Variants in PRRC2A observed in about 807,000 individuals in gnomAD.
PRRC2A encodes protein PRRC2A.
In PRRC2A, 59 loss-of-function variants were observed where a neutral mutation model predicts 224.6. That is an observed-to-expected ratio of 0.26 (90% CI 0.21 to 0.33). The LOEUF (loss-of-function observed/expected upper bound fraction) is 0.33, where lower values mean the gene tolerates loss of function less well. PRRC2A is among the 10% of genes least tolerant of loss of function. The pLI is 1.00. For missense variants in PRRC2A, 3,095 were observed against 2,880.7 expected (o/e 1.07, Z -1.70); for synonymous variants, 1,194 against 1,109.5 (o/e 1.08, Z -1.51).
rs1183258381 is a variant in PRRC2A at position 31,635,142 on chromosome 6, G to A, written c.5171G>A (p.Arg1724Gln). 7 of 1,613,976 alleles carry A rather than the reference G, an allele frequency of 4.3e-6. No homozygotes were observed. Among genetic ancestry groups the A allele is most frequent in the African/African-American group, 1.3e-5 (1 of 75,006 alleles). Residue 1724 changes from arginine to glutamine, a missense_variant, in exon 22 of 31, where the codon CGG becomes CAG. By Grantham distance (43) the Arg-to-Gln change is conservative. This residue lies in a region of PRRC2A where 662 missense variants were observed against 609.5 expected (regional missense o/e 1.09). Coordinates refer to ENST00000376033, the MANE Select transcript of PRRC2A (RefSeq NM_004638.4). ...PHDGDRKELP[R>Q]EQPLPPGPIG... ...GTGTGCCCAATCCAGGAGCTGCCCC[G>A]GGAGCAGCCTCTGCCCCCTGGCCCC...
intron 2 of PRRC2A, chr6:31,623,341 T>C (rs1280540107): frequency 2.4e-6 from 1 of 408,700 alleles, no homozygotes; most frequent in Non-Finnish European, 4.6e-6. Context: ...GATCTTGACT[T>C]ACCACAACCT....
chr6:31,626,003 T>C lies in PRRC2A; in HGVS notation c.840-17T>C, dbSNP rs200630465. Reference sequence around the variant, plus strand: ...GTTATACAACATGCCATATTTCATTTTCTTTTTTGTGTACAGCCGTTTTCC... The same window carrying C: ...GTTATACAACATGCCATATTTCATTCTCTTTTTTGTGTACAGCCGTTTTCC... On this transcript the variant is annotated splice_polypyrimidine_tract_variant and intron_variant, in intron 8 of 30. Transcript: ENST00000376033. 823 of 1,610,270 alleles carry C rather than the reference T, an allele frequency of 5.1e-4. 2 individuals are homozygous for C. Among genetic ancestry groups the C allele is most frequent in the Admixed American group, 2.0e-3 (117 of 59,376 alleles).
In PRRC2A at chr6:31,635,438, G is replaced by A; in HGVS notation, c.5346G>A (p.Glu1782=). The A allele has an allele frequency of 6.2e-7, 1 of 1,614,248 alleles. No homozygotes were observed. Among genetic ancestry groups the A allele is most frequent in the Non-Finnish European group, 8.5e-7 (1 of 1,180,038 alleles). The part of the protein sequence containing the change: ...RLVVGDSLKA[E]KELTASVTEA... ...TGGTAGGAGACAGCTTGAAAGCAGA[G>A]AAGGAGCTAACAGCATCAGTCACTG... The change falls in exon 23 of 31, where the codon GAG becomes GAA. Residue 1782 remains glutamate, a synonymous_variant. Transcript: ENST00000376033.
In PRRC2A at chr6:31,631,429, A is replaced by G; in HGVS notation, c.2756A>G (p.Glu919Gly). 6.2e-7 allele frequency: 1 copy of G among 1,610,010 alleles called. No homozygotes were observed. The highest frequency in any genetic ancestry group is 1.1e-5 in the South Asian group (1 of 90,738). ...GGQGPPPPRRESRTETRWGPR... is the reference protein window; with the variant it reads ...GGQGPPPPRRGSRTETRWGPR... ...CAGGGCCCCCCACCACCACGCAGAG[A>G]GAGTCGCACAGAGACCCGCTGGGGC... Residue 919 changes from glutamate (E) to glycine (G), a missense_variant, in exon 16 of 31, where the codon GAG (glutamate) becomes GGG (glycine). Glu to Gly is a moderately conservative substitution (Grantham distance 98, BLOSUM62 -2). Transcript: ENST00000376033. This position sits in a 1 kb window ranked among gnomAD's most constrained non-coding sequence, Gnocchi z 4.5.
Position 31,635,695 on chromosome 6 carries a change from C to T in PRRC2A, c.5487C>T (p.Gly1829=). 1.2e-6 allele frequency: 2 copies of T among 1,612,354 alleles called. No homozygotes were observed. Among genetic ancestry groups the T allele is most frequent in the Non-Finnish European group, 1.7e-6 (2 of 1,179,638 alleles). ...GTGTCCCGGAGCCCAGCTCCTCAGG[C>T]CAGCGCCTGTATCCTGAGGTTTTCT... ...GHCVPEPSSS[G]QRLYPEVFYG... is the part of the protein sequence containing the mutation. Residue 1829 remains glycine, a synonymous_variant, in exon 24 of 31, where the codon GGC becomes GGT. Coordinates refer to ENST00000376033, the MANE Select transcript of PRRC2A (RefSeq NM_004638.4).
rs376683082 is a variant in PRRC2A, at chr6:31,637,288, A to G, written c.6297A>G (p.Gly2099=). 3.1e-6 allele frequency: 5 copies of G among 1,612,572 alleles called. No homozygotes were observed. The highest frequency in any genetic ancestry group is 1.1e-5 in the South Asian group (1 of 91,068). ...AGGCCACGCCTTCCACCTACAGTGGAGTCTTCCGCACCCAGCGCGTCGACC... is the reference window on the plus strand; with the variant it reads ...AGGCCACGCCTTCCACCTACAGTGGGGTCTTCCGCACCCAGCGCGTCGACC... ...RLKATPSTYS[G]VFRTQRVDLY... is the part of the protein sequence containing the mutation. The change falls in exon 30 of 31, where the codon GGA becomes GGG. Residue 2099 remains glycine (G), a synonymous_variant. Coordinates refer to ENST00000376033, the MANE Select transcript of PRRC2A (RefSeq NM_004638.4).
Position 31,634,963 on chromosome 6 carries a change from G to A in PRRC2A, c.5146G>A (p.Asp1716Asn), listed in dbSNP as rs754144343. 5 of 1,612,594 alleles carry A rather than the reference G, an allele frequency of 3.1e-6. No individual in the cohort carries two copies. The South Asian group carries it at 3.3e-5, about 11-fold the overall frequency. ...PPRRPPPAPH[D>N]GDRKELPREQ... is the part of the protein sequence containing the mutation. Reference sequence around the variant, plus strand: ...TAGGAGACCACCACCTGCCCCCCACGATGGGGACAGAAAGGTAAAAGACCA... The same window carrying A: ...TAGGAGACCACCACCTGCCCCCCACAATGGGGACAGAAAGGTAAAAGACCA... The change falls in exon 21 of 31, where the codon GAT becomes AAT. Residue 1716 changes from aspartate to asparagine, a missense_variant. Asp to Asn is a conservative substitution (Grantham distance 23, BLOSUM62 1). Around this residue, in one of 8 missense-constraint regions of PRRC2A, gnomAD observed 662 missense variants for 609.5 expected, o/e 1.09. Transcript: ENST00000376033.
intron 19 of PRRC2A, 28 bp from the exon 20 acceptor site, chr6:31,634,444 C>T (rs1777071335): frequency 1.9e-6 from 3 of 1,612,556 alleles, no homozygotes; most frequent in Admixed American, 1.7e-5. Context: ...CTCCTCACTT[C>T]TCTTCTGGTT....
At chr6:31,634,623 T>A in intron 20 of PRRC2A, 66 bp downstream of exon 20, 1 of 1,589,416 alleles carries the variant, frequency 6.3e-7, no homozygotes, top group Non-Finnish European at 8.6e-7. Flanking sequence ...ACCCCCCACC[T>A]GCTCTGGGTT....
Position 31,632,713 on chromosome 6 carries a change from C to G in PRRC2A, c.4040C>G (p.Thr1347Arg). The stretch of plus-strand genomic sequence containing the variant: ...GAGGCACCCCCACCAGTACTGCTGA[C>G]ACCCAAGGCTGTGGGAACTCCTGGG... ...DKEAPPPVLL[T>R]PKAVGTPGGG... Residue 1347 changes from threonine (T) to arginine (R), a missense_variant, in exon 16 of 31, where the codon ACA (threonine) becomes AGA (arginine). Physicochemically the swap from Thr to Arg is moderately conservative, Grantham distance 71. This residue lies in a region of PRRC2A where 2,001 missense variants were observed against 1,764.9 expected (regional missense o/e 1.13). Transcript: ENST00000376033. 1.9e-6 allele frequency: 3 copies of G among 1,613,168 alleles called. No individual in the cohort carries two copies. Among genetic ancestry groups the G allele is most frequent in the Non-Finnish European group, 2.5e-6 (3 of 1,180,050 alleles).
chr6:31,629,869 GAA>G (rs751398678), intron 14 of PRRC2A, 24 bp downstream of exon 14: 1 of 1,611,336 alleles, frequency 6.2e-7, no homozygotes, highest in South Asian at 1.1e-5. Context: ...GGAGGAGTGA[GAA>G]ACAGGAAAGT....
Position 31,627,688 on chromosome 6 carries a change from T to G in PRRC2A, c.1291-77T>G. 2 of 1,528,712 alleles carry G rather than the reference T, an allele frequency of 1.3e-6. No individual in the cohort carries two copies. The highest frequency in any genetic ancestry group is 1.8e-6 in the Non-Finnish European group (2 of 1,133,032). 94.7% of individuals were successfully genotyped at this position (1,528,712 alleles called of 1,614,324 possible). A position where few individuals can be genotyped will look rare whatever the true frequency, so the allele number is the denominator to read the frequency against. On this transcript the variant is annotated intron_variant, in intron 11 of 30. Coordinates refer to ENST00000376033, the MANE Select transcript of PRRC2A (RefSeq NM_004638.4). This position sits in a 1 kb window ranked among gnomAD's most constrained non-coding sequence, Gnocchi z 5.6. ...CGTTGCATCCTGCAAGTAGCGACAG[T>G]TGATTTGTTGTAAAAGAGATGATAG...
Position 31,622,821 on chromosome 6 carries a change from G to A in PRRC2A, c.32G>A (p.Gly11Glu). 6.2e-7 allele frequency: 1 copy of A among 1,614,076 alleles called. No homozygotes were observed. The highest frequency in any genetic ancestry group is 8.5e-7 in the Non-Finnish European group (1 of 1,180,012). Residue 11 changes from glycine to glutamate, a missense_variant, in exon 2 of 31, where the codon GGA becomes GAA. Coordinates refer to ENST00000376033, the MANE Select transcript of PRRC2A (RefSeq NM_004638.4). ...GATCGCTCGGGGCCGACTGCCAAGGGAAAGGATGGAAAGAAGTATTCCTCG... is the reference window on the plus strand; with the variant it reads ...GATCGCTCGGGGCCGACTGCCAAGGAAAAGGATGGAAAGAAGTATTCCTCG... The part of the protein sequence containing the change: MSDRSGPTAK[G>E]KDGKKYSSLN...
At position 31,625,391 on chromosome 6, in the gene PRRC2A, C is replaced by T. The variant is rs748281450; in HGVS notation, c.608-69C>T. The T allele has an allele frequency of 6.2e-7, 1 of 1,612,232 alleles. No individual in the cohort carries two copies. The highest frequency in any genetic ancestry group is 8.5e-7 in the Non-Finnish European group (1 of 1,178,358). On this transcript the variant is annotated intron_variant, in intron 6 of 30. Transcript: ENST00000376033. This position sits in a 1 kb window ranked among gnomAD's most constrained non-coding sequence, Gnocchi z 4.1. ...GTGCTGGCTTATTCACCTTCCTCCC[C>T]ATCACTTTCAGCTGTGTTCACTTGT...
At chr6:31,629,113 A>G (rs1443345777) in intron 12 of PRRC2A, 31 bp from the exon 13 acceptor site, 15 of 1,609,434 alleles carry the variant, frequency 9.3e-6, no homozygotes, top group Non-Finnish European at 1.0e-5. Flanking sequence ...TTGTTGGACT[A>G]GATCACTCTG....
rs1428473970 is a variant in PRRC2A, at chr6:31,629,248, G to T, written c.1870G>T (p.Gly624Cys). 1.2e-6 allele frequency: 2 copies of T among 1,612,824 alleles called. No individual in the cohort carries two copies. The highest frequency in any genetic ancestry group is 3.3e-5 in the Admixed American group (2 of 59,762). Residue 624 changes from glycine (G) to cysteine (C), a missense_variant, in exon 13 of 31, where the codon GGT becomes TGT. Coordinates refer to ENST00000376033, the MANE Select transcript of PRRC2A (RefSeq NM_004638.4). ...PKVEPKGDGIGPTRQPPSQGL... is the reference protein window; with the variant it reads ...PKVEPKGDGICPTRQPPSQGL... Reference sequence around the variant, plus strand: ...GGTGGAACCCAAGGGTGATGGGATTGGTCCCACCCGCCAGCCCCCTAGTCA... The same window carrying T: ...GGTGGAACCCAAGGGTGATGGGATTTGTCCCACCCGCCAGCCCCCTAGTCA...
chr6:31,629,150 C>G lies in PRRC2A; in HGVS notation c.1772C>G (p.Pro591Arg). 6.2e-7 allele frequency: 1 copy of G among 1,613,964 alleles called. No homozygotes were observed. Among genetic ancestry groups the G allele is most frequent in the Non-Finnish European group, 8.5e-7 (1 of 1,179,982 alleles). Reference sequence around the variant, plus strand: ...TGTGTTTTTTCCGATGCAGTGGAACCACAACTGCCCTCAAAAGAGGGTCCT... The same window carrying G: ...TGTGTTTTTTCCGATGCAGTGGAACGACAACTGCCCTCAAAAGAGGGTCCT... ...SGSFEASPVE[P>R]QLPSKEGPEP... The change falls in exon 13 of 31, where the codon CCA (proline) becomes CGA (arginine). Residue 591 changes from proline to arginine, a missense_variant. Pro to Arg is a moderately radical substitution (Grantham distance 103, BLOSUM62 -2). This residue lies in a region of PRRC2A where 2,001 missense variants were observed against 1,764.9 expected (regional missense o/e 1.13). Coordinates refer to ENST00000376033, the MANE Select transcript of PRRC2A (RefSeq NM_004638.4).
At chr6:31,623,034 C>G in intron 2 of PRRC2A, 133 bp downstream of exon 2, 1 of 840,812 alleles carries the variant, frequency 1.2e-6, no homozygotes, top group Non-Finnish European at 2.1e-6. Flanking sequence ...CAACTTTACA[C>G]TGGGTCCTTT....
Position 31,631,527 on chromosome 6 carries a change from A to G in PRRC2A, c.2854A>G (p.Ile952Val), listed in dbSNP as rs967940220. 6.9e-6 allele frequency: 11 copies of G among 1,596,628 alleles called. No individual in the cohort carries two copies. The highest frequency in any genetic ancestry group is 1.8e-5 in the Admixed American group (1 of 54,810). The change falls in exon 16 of 31, where the codon ATA becomes GTA. Residue 952 changes from isoleucine (I) to valine (V), a missense_variant. By Grantham distance (29) the Ile-to-Val change is conservative. Around this residue, in one of 8 missense-constraint regions of PRRC2A, gnomAD observed 2,001 missense variants for 1,764.9 expected, o/e 1.13. Transcript: ENST00000376033. The surrounding 1 kb of genome is among the most constrained non-coding windows in gnomAD (Gnocchi z 4.5). ...GGCCCCACCCCGCCGGGCTGGGCCT[A>G]TAAAGAAACCTCCACCACCTACAAA... ...PGAPPRRAGPIKKPPPPTKVE... is the reference protein window; with the variant it reads ...PGAPPRRAGPVKKPPPPTKVE...
Sources: gnomAD v4.1 joint callset for allele counts on GRCh38, gnomAD v4.1.1 for gene constraint, gnomAD v4.1.1 regional missense constraint, Gnocchi (gnomAD v3.1) non-coding constraint, MANE v1.5 for transcripts, NCBI Gene and HGNC (gene_info 2026-07-23, HGNC 2026-07-21) for gene names.